The following C1orf198 variants were observed in gnomAD, a reference collection of about 807,000 sequenced individuals.
C1orf198 encodes the protein chromosome 1 open reading frame 198.
In C1orf198, 17 loss-of-function variants were observed where a neutral mutation model predicts 31.4. The ratio of observed to expected loss-of-function variants is 0.54; its 90% CI spans 0.37 to 0.81. C1orf198 has a LOEUF of 0.81. C1orf198 is among the 40% of genes least tolerant of loss of function. The pLI, the probability that C1orf198 is intolerant of heterozygous loss-of-function variation, is 0.00. For synonymous variants in C1orf198, 175 were observed against 193.8 expected (o/e 0.90, Z 0.81); for missense variants, 401 against 450.3 (o/e 0.89, Z 0.99).
rs555696849 is a variant in C1orf198 at position 230,867,491 on chromosome 1, C to T, written c.333+689G>A. Among the ~76,000 whole-genome samples, 8 of 152,286 alleles carry T rather than the reference C, an allele frequency of 5.3e-5. No individual in the cohort carries two copies. In the South Asian group the frequency reaches 1.2e-3, roughly 24 times the overall value. The stretch of plus-strand genomic sequence containing the variant: ...CAAGACTTACTGGAGCTCATTTAAA[C>T]TTATCGTCCCTTAGTTTTTTGGTGG... On this transcript the variant is annotated intron_variant, in intron 1 of 3. Coordinates refer to ENST00000366663, the MANE Select transcript of C1orf198 (RefSeq NM_032800.3).
At position 230,837,293 on chromosome 1, in the gene C1orf198, AC is replaced by A. The variant is rs1669327470; in HGVS notation, c.*2558del. On this transcript the variant is annotated 3_prime_UTR_variant, in exon 4 of 4. Coordinates refer to ENST00000366663, the MANE Select transcript of C1orf198 (RefSeq NM_032800.3). ...GGGGTGCGGCTCAGACGGGTGACAG[AC>A]CCCCGCTGTTCCCAGTAGGGCAGCA... is the stretch of plus-strand genomic sequence containing the variant. 6.6e-6 allele frequency: 1 copy of A among 152,382 alleles called. No individual in the cohort carries two copies. Among genetic ancestry groups the A allele is most frequent in the African/African-American group, 2.4e-5 (1 of 41,364 alleles). 9.4% of individuals were successfully genotyped at this position (152,382 alleles called of 1,614,324 possible). A position where few individuals can be genotyped will look rare whatever the true frequency, so the allele number is the denominator to read the frequency against.
chr1:230,867,000 T>C (rs1314920842), intron 1 of C1orf198, among the ~76,000 whole-genome samples: 1 of 152,200 alleles, frequency 6.6e-6, no homozygotes, highest in African/African-American at 2.4e-5. Flanking sequence ...TTTATGACCA[T>C]GAACACTTCG....
At chr1:230,846,971 C>T (rs1330882155) in intron 2 of C1orf198, among the ~76,000 whole-genome samples, 61 of 150,978 alleles carry the variant, frequency 4.0e-4, no homozygotes, top group Non-Finnish European at 7.4e-4. Context: ...GGCGCGGTGG[C>T]GGGCGCCTGT....
chr1:230,852,358 T>A (rs1273869255), intron 2 of C1orf198, among the ~76,000 whole-genome samples: 1 of 152,104 alleles, frequency 6.6e-6, no homozygotes, highest in Non-Finnish European at 1.5e-5. Context: ...AATGAATGAT[T>A]TCAGAGACAG....
chr1:230,850,182 C>T (rs1669704536), intron 2 of C1orf198, among the ~76,000 whole-genome samples: 1 of 152,186 alleles, frequency 6.6e-6, no homozygotes, highest in Admixed American at 6.5e-5. Context: ...CCCCATTTTT[C>T]CTCTATCACA....
chr1:230,843,486 G>A lies in C1orf198; in HGVS notation c.795C>T (p.Pro265=). ...LPNVSTERER[P]QPVQAFSSAL... The stretch of plus-strand genomic sequence containing the variant: ...CACTGCTGAAGGCCTGGACAGGCTG[G>A]GGTCTCTCACGTTCGGTGCTCACGT... Residue 265 remains proline (P), a synonymous_variant, in exon 3 of 4, where the codon CCC becomes CCT. Coordinates refer to ENST00000366663, the MANE Select transcript of C1orf198 (RefSeq NM_032800.3). The surrounding 1 kb of genome is among the most constrained non-coding windows in gnomAD (Gnocchi z 4.9). 1.2e-6 allele frequency: 2 copies of A among 1,612,328 alleles called. No individual in the cohort carries two copies. Among genetic ancestry groups the A allele is most frequent in the Non-Finnish European group, 1.7e-6 (2 of 1,179,236 alleles).
intron 1 of C1orf198, among the ~76,000 whole-genome samples, chr1:230,863,108 C>T (rs1345864191): frequency 6.6e-6 from 1 of 152,116 alleles, no homozygotes; most frequent in Non-Finnish European, 1.5e-5. Context: ...CATGCTTTTC[C>T]CTTTGACTTG....
chr1:230,861,850 T>C (rs1670011270), intron 1 of C1orf198, among the ~76,000 whole-genome samples: 1 of 152,180 alleles, frequency 6.6e-6, no homozygotes, highest in Non-Finnish European at 1.5e-5. Context: ...CATCAGGATC[T>C]TGGAACACGG....
intron 1 of C1orf198, 45 bp downstream of exon 1, chr1:230,868,135 G>A: frequency 7.5e-7 from 1 of 1,338,420 alleles, no homozygotes; most frequent in South Asian, 1.8e-5. Flanking sequence ...GGGCGCCTCG[G>A]GGCGCCGGGA....
At chr1:230,868,703 C>T (rs1225150230), upstream of C1orf198, 9 of 241,248 alleles carry the variant, frequency 3.7e-5, no homozygotes, top group Admixed American at 1.2e-4. Context: ...TCCCCGGGAG[C>T]TCCTCCCTCC....
At chr1:230,863,923 C>T (rs892274616) in intron 1 of C1orf198, among the ~76,000 whole-genome samples, 1 of 152,146 alleles carries the variant, frequency 6.6e-6, no homozygotes, top group Non-Finnish European at 1.5e-5. Flanking sequence ...GTCCAAAATG[C>T]TGAGAAAGCA....
intron 2 of C1orf198, among the ~76,000 whole-genome samples, chr1:230,854,356 A>G (rs1669817997): frequency 6.6e-6 from 1 of 152,204 alleles, no homozygotes; most frequent in Admixed American, 6.5e-5. Context: ...GCCCTGGCTA[A>G]GAATCAATGT....
chr1:230,860,497 G>A (rs370476470), intron 1 of C1orf198, among the ~76,000 whole-genome samples: 14 of 152,162 alleles, frequency 9.2e-5, no homozygotes, highest in African/African-American at 2.9e-4. Flanking sequence ...ACAAAATGTG[G>A]TCTATCCATC....
chr1:230,867,389 A>G (rs1469171293), intron 1 of C1orf198, among the ~76,000 whole-genome samples: 2 of 152,186 alleles, frequency 1.3e-5, no homozygotes, highest in Admixed American at 6.5e-5. Flanking sequence ...CAGCGTTTCT[A>G]CCTTCACAAA....
At chr1:230,861,380 A>AT (rs1273238520) in intron 1 of C1orf198, among the ~76,000 whole-genome samples, 1 of 152,232 alleles carries the variant, frequency 6.6e-6, no homozygotes, top group East Asian at 1.9e-4. Flanking sequence ...TAAAAACTGA[A>AT]TTTTTTTAAA....
chr1:230,866,526 T>G (rs1670123321), intron 1 of C1orf198, among the ~76,000 whole-genome samples: 2 of 152,176 alleles, frequency 1.3e-5, no homozygotes, highest in African/African-American at 4.8e-5. Context: ...GAATAAAAAA[T>G]TAACTTGGCC....
rs1669925548 is a variant in C1orf198, at chr1:230,858,305, T to C, written c.334-2587A>G. ...GAAGCAATCAAACCAAGAAGGGCTT[T>C]GTTTTCACATGGGAAAAATAAAAGA... On this transcript the variant is annotated intron_variant, in intron 1 of 3. Coordinates refer to ENST00000366663, the MANE Select transcript of C1orf198 (RefSeq NM_032800.3). Among the ~76,000 whole-genome samples, 4 of 152,342 alleles carry C rather than the reference T, an allele frequency of 2.6e-5. No individual in the cohort carries two copies. In the South Asian group the frequency reaches 8.3e-4, roughly 32 times the overall value.
chr1:230,862,192 T>A (rs983288327), intron 1 of C1orf198, among the ~76,000 whole-genome samples: 1 of 152,190 alleles, frequency 6.6e-6, no homozygotes, highest in Admixed American at 6.5e-5. Context: ...ACTGTAAGGT[T>A]TAATTACCGA....
At chr1:230,862,445 C>A (rs1380429867) in intron 1 of C1orf198, among the ~76,000 whole-genome samples, 1 of 152,130 alleles carries the variant, frequency 6.6e-6, no homozygotes, top group Non-Finnish European at 1.5e-5. Flanking sequence ...CTCATAATTG[C>A]CAAAACTTAG....
Sources: allele counts gnomAD v4.1 joint callset (sites outside exome capture counted in the v4.1 genomes callset), GRCh38; gene constraint gnomAD v4.1.1; non-coding constraint Gnocchi (gnomAD v3.1); transcripts MANE v1.5; gene names NCBI Gene and HGNC (gene_info 2026-07-23, HGNC 2026-07-21).